ASAP2: variants seen among roughly 807,000 people sequenced by gnomAD.
ASAP2 encodes arf-GAP with SH3 domain, ANK repeat and PH domain-containing protein 2.
Under a neutral mutation model 131.4 loss-of-function variants are expected in ASAP2, and 45 were observed. That is an observed-to-expected ratio of 0.34 (90% CI 0.27 to 0.44). ASAP2 has a LOEUF of 0.44. ASAP2 is among the 20% of genes least tolerant of loss of function. The probability of loss-of-function intolerance (pLI) is 1.00; values close to 1 mark genes in which losing one functional copy is unlikely to be tolerated. For missense variants in ASAP2, 1,011 were observed against 1,297.0 expected (o/e 0.78, Z 3.39); for synonymous variants, 510 against 503.0 (o/e 1.01, Z -0.19).
At chr2:9,287,238 C>T in intron 2 of ASAP2, among the ~76,000 whole-genome samples, 1 of 152,234 alleles carries the variant, frequency 6.6e-6, no homozygotes, top group East Asian at 1.9e-4. Flanking sequence ...TGCCACCTGG[C>T]TGAGCCATCG....
At chr2:9,304,118 C>T (rs1668673492) in intron 3 of ASAP2, among the ~76,000 whole-genome samples, 1 of 152,138 alleles carries the variant, frequency 6.6e-6, no homozygotes, top group African/African-American at 2.4e-5. Context: ...CGCCCTGAGC[C>T]CTGGGTCCCT....
At chr2:9,250,640 T>C (rs1664641140) in intron 1 of ASAP2, among the ~76,000 whole-genome samples, 1 of 152,108 alleles carries the variant, frequency 6.6e-6, no homozygotes, top group Non-Finnish European at 1.5e-5. Context: ...TCGGACAAGG[T>C]TGGAAGCAGA....
At chr2:9,329,036 A>T (rs1344534537) in intron 7 of ASAP2, among the ~76,000 whole-genome samples, 1 of 152,188 alleles carries the variant, frequency 6.6e-6, no homozygotes, top group South Asian at 2.1e-4. Context: ...CACAGTAGGT[A>T]CTCGGCTGTT....
At position 9,320,349 on chromosome 2, in the gene ASAP2, C is replaced by G. The variant is rs773070460; in HGVS notation, c.470+12C>G. The G allele has an allele frequency of 6.8e-6, 11 of 1,606,532 alleles. No homozygotes were observed. In the African/African-American group the frequency reaches 1.3e-4, roughly 20 times the overall value. ...TATGAAACAAAAATGTGAGTGTTCT[C>G]GTTTTTAAATTTACGTATAGGTAAT... On this transcript the variant is annotated intron_variant, in intron 5 of 27. Coordinates refer to ENST00000281419, the MANE Select transcript of ASAP2 (RefSeq NM_003887.3).
intron 1 of ASAP2, among the ~76,000 whole-genome samples, chr2:9,272,612 A>T (rs369713021): frequency 2.0e-5 from 3 of 152,134 alleles, no homozygotes; most frequent in African/African-American, 7.2e-5. Context: ...CTTGTGGGGC[A>T]TTACTCAAGA....
intron 1 of ASAP2, among the ~76,000 whole-genome samples, chr2:9,238,394 A>G (rs1397313936): frequency 1.3e-5 from 2 of 152,202 alleles, no homozygotes; most frequent in African/African-American, 4.8e-5. Context: ...TTTGTAAACA[A>G]ATTGTCCACA....
At chr2:9,216,074 T>G (rs1662001423) in intron 1 of ASAP2, among the ~76,000 whole-genome samples, 1 of 152,186 alleles carries the variant, frequency 6.6e-6, no homozygotes, top group South Asian at 2.1e-4. Context: ...TTCTTGTTTG[T>G]GTCACACGGC....
chr2:9,396,017 G>A (rs753088087), intron 24 of ASAP2, among the ~76,000 whole-genome samples: 16 of 152,012 alleles, frequency 1.1e-4, no homozygotes, highest in Admixed American at 6.6e-5. Context: ...TCCAGACACC[G>A]TCCGTTTTGC....
At chr2:9,279,568 C>T (rs1477528114) in intron 2 of ASAP2, among the ~76,000 whole-genome samples, 179 bp downstream of exon 2, 8 of 152,178 alleles carry the variant, frequency 5.3e-5, no homozygotes, top group African/African-American at 1.2e-4. Context: ...TTTTGCCAGT[C>T]GTCTGATTCA....
chr2:9,279,591 C>T (rs1412043129), intron 2 of ASAP2, among the ~76,000 whole-genome samples: 3 of 152,122 alleles, frequency 2.0e-5, no homozygotes, highest in Non-Finnish European at 2.9e-5. Context: ...TGTGGGATTT[C>T]GTCCCCTGTC....
chr2:9,301,427 A>G lies in ASAP2; in HGVS notation c.345+3982A>G, dbSNP rs543398168. On this transcript the variant is annotated intron_variant, in intron 3 of 27. Transcript: ENST00000281419. ...CAGAAATGTGACATGTGTGAAATTA[A>G]AGTGCTTATGAAGTCAGCCTAGTTT... Among the ~76,000 whole-genome samples, 15 of 152,326 alleles carry G rather than the reference A, an allele frequency of 9.8e-5. No homozygotes were observed. The South Asian group carries it at 1.9e-3, about 19-fold the overall frequency.
intron 1 of ASAP2, among the ~76,000 whole-genome samples, chr2:9,241,234 G>A (rs942188504): frequency 2.0e-5 from 3 of 152,208 alleles, no homozygotes; most frequent in Non-Finnish European, 2.9e-5. Flanking sequence ...AATTTAGCAT[G>A]TGTGCTGGAA....
intron 1 of ASAP2, among the ~76,000 whole-genome samples, chr2:9,212,781 C>T (rs1661679026): frequency 1.3e-5 from 2 of 152,318 alleles, no homozygotes; most frequent in African/African-American, 2.4e-5. Context: ...CAGCAACCAC[C>T]GGGAGAGCCA....
In ASAP2 at chr2:9,336,818, C is replaced by T. The variant is rs80285875; in HGVS notation, c.849+1639C>T. On this transcript the variant is annotated intron_variant, in intron 9 of 27. Coordinates refer to ENST00000281419, the MANE Select transcript of ASAP2 (RefSeq NM_003887.3). ...AGTGCGAGGGCAGGAGCCAGAATGC[C>T]GTCCAAGGTGGCTGCTCCCCAGCGC... is the stretch of plus-strand genomic sequence containing the variant. 9.8e-3 allele frequency among the ~76,000 whole-genome samples: 1,500 copies of T among 152,322 alleles called. 30 individuals carry two copies. The highest frequency in any genetic ancestry group is 0.034 in the African/African-American group (1,422 of 41,564).
intron 4 of ASAP2, among the ~76,000 whole-genome samples, chr2:9,319,490 G>A (rs1036958236): frequency 6.6e-6 from 1 of 152,222 alleles, no homozygotes; most frequent in Non-Finnish European, 1.5e-5. Context: ...ACTCACGGGC[G>A]GGAAGGCATC....
rs114173607 is a variant in ASAP2, at chr2:9,404,745, T to C, written c.*1418T>C. On this transcript the variant is annotated 3_prime_UTR_variant, in exon 28 of 28. Transcript: ENST00000281419. ...ATGCAAGACTGTGTAGAGTTTTTTT[T>C]TTTTTTGGCATTGTACTTTTTGTTT... The C allele has an allele frequency of 0.09, 13,733 of 152,612 alleles. 629 individuals are homozygous for C. The highest frequency in any genetic ancestry group is 0.1 in the Non-Finnish European group (7,010 of 67,990). 9.5% of individuals were successfully genotyped at this position (152,612 alleles called of 1,614,324 possible). A position where few individuals can be genotyped will look rare whatever the true frequency, so the allele number is the denominator to read the frequency against.
intron 3 of ASAP2, 118 bp downstream of exon 3, chr2:9,297,563 CA>C: frequency 2.4e-6 from 3 of 1,238,928 alleles, no homozygotes; most frequent in Non-Finnish European, 3.3e-6. Context: ...CTTGGGTACC[CA>C]AAAGAATTAT....
chr2:9,208,010 A>G (rs1259905798), intron 1 of ASAP2, among the ~76,000 whole-genome samples: 2 of 152,212 alleles, frequency 1.3e-5, no homozygotes, highest in Non-Finnish European at 2.9e-5. Flanking sequence ...ACACGTAGGA[A>G]CGAAGAAGCT....
chr2:9,226,740 C>T (rs1381722679), intron 1 of ASAP2, among the ~76,000 whole-genome samples: 1 of 152,216 alleles, frequency 6.6e-6, no homozygotes, highest in Non-Finnish European at 1.5e-5. Flanking sequence ...ACAAAGAACA[C>T]GCCGTCCGTC....
Sources: allele counts gnomAD v4.1 joint callset (sites outside exome capture counted in the v4.1 genomes callset), GRCh38; gene constraint gnomAD v4.1.1; transcripts MANE v1.5; gene names NCBI Gene and HGNC (gene_info 2026-07-23, HGNC 2026-07-21).